The following ECE1 variants were observed in gnomAD, a reference collection of about 807,000 sequenced individuals.
The protein encoded by ECE1 is endothelin-converting enzyme 1.
A neutral mutation model predicts 98.6 loss-of-function variants in ECE1; 35 were observed. The ratio of observed to expected loss-of-function variants is 0.35; its 90% confidence interval spans 0.27 to 0.47. The LOEUF is 0.47. Ranked by LOEUF, ECE1 falls within the 20% of genes least tolerant of loss-of-function variation. ECE1 has a pLI of 1.00. For synonymous variants in ECE1, 394 were observed against 407.1 expected (o/e 0.97, Z 0.39); for missense variants, 814 against 1,025.3 (o/e 0.79, Z 2.81).
intron 1 of ECE1, chr1:21,298,858 G>A (rs1327385534): frequency 2.2e-6 from 1 of 456,262 alleles, no homozygotes; most frequent in Admixed American, 2.3e-5. Flanking sequence ...TCCCAGCTGG[G>A]TTTAAGGGGC....
Position 21,233,790 on chromosome 1 carries a change from G to A in ECE1, c.1567-129C>T, listed in dbSNP as rs2098184715. On this transcript the variant is annotated intron_variant, in intron 13 of 18. Transcript: ENST00000374893. This position sits in a 1 kb window ranked among gnomAD's most constrained non-coding sequence, Gnocchi z 4.0. ...CTGGAGACCGGAATGCAGGGCTTGG[G>A]GCTGCAGGGTCAGCTCTTCTCTTGG... 1.2e-6 allele frequency: 1 copy of A among 825,000 alleles called. No individual in the cohort carries two copies. The highest frequency in any genetic ancestry group is 1.7e-5 in the African/African-American group (1 of 58,978). The allele number at this position is 825,000 out of a possible 1,614,324, so 51.1% of individuals were successfully genotyped here. A position where few individuals can be genotyped will look rare whatever the true frequency, so the allele number is the denominator to read the frequency against.
chr1:21,228,086 G>T, intron 14 of ECE1, 45 bp from the exon 15 acceptor site: 1 of 1,489,522 alleles, frequency 6.7e-7, no homozygotes, highest in Non-Finnish European at 9.1e-7. Flanking sequence ...AGGGCGGGAG[G>T]CAGGTGGGGA....
Position 21,260,501 on chromosome 1 carries a change from C to T in ECE1, c.494-109G>A. 1 of 1,363,272 alleles carries T rather than the reference C, an allele frequency of 7.3e-7. No individual in the cohort carries two copies. Among genetic ancestry groups the T allele is most frequent in the Non-Finnish European group, 1.0e-6 (1 of 958,992 alleles). 84.4% of individuals were successfully genotyped at this position (1,363,272 alleles called of 1,614,324 possible). ...TGGTGTTCTCAGCTGCAAAGGAGCT[C>T]TGACATCTGCCTGTCGGAGTGGCAG... On this transcript the variant is annotated intron_variant, in intron 4 of 18. Transcript: ENST00000374893. This position sits in a 1 kb window ranked among gnomAD's most constrained non-coding sequence, Gnocchi z 4.3.
intron 14 of ECE1, among the ~76,000 whole-genome samples, chr1:21,229,741 C>T (rs759595566): frequency 6.6e-6 from 1 of 152,070 alleles, no homozygotes; most frequent in Non-Finnish European, 1.5e-5. Context: ...GAAGTATAAC[C>T]ATTTGGAAGA....
At chr1:21,228,993 C>G (rs1213130867) in intron 14 of ECE1, among the ~76,000 whole-genome samples, 1 of 151,532 alleles carries the variant, frequency 6.6e-6, no homozygotes, top group Admixed American at 6.6e-5. Context: ...AGGCGCCCAC[C>G]ACCTTGCCCG....
chr1:21,295,698 CTG>C, intron 1 of ECE1, among the ~76,000 whole-genome samples: 1 of 152,214 alleles, frequency 6.6e-6, no homozygotes, highest in Non-Finnish European at 1.5e-5. Context: ...ATTTTCCACT[CTG>C]TTTTCCGTGA....
At chr1:21,259,781 T>C (rs922358586) in intron 5 of ECE1, among the ~76,000 whole-genome samples, 2 of 152,136 alleles carry the variant, frequency 1.3e-5, no homozygotes, top group Non-Finnish European at 2.9e-5. Flanking sequence ...GAAAGATGTC[T>C]TCCCCTGCTC....
Position 21,225,319 on chromosome 1 carries a change from C to A in ECE1, c.1971G>T (p.Glu657Asp). 6.2e-7 allele frequency: 1 copy of A among 1,614,262 alleles called. No homozygotes were observed. Among genetic ancestry groups the A allele is most frequent in the Non-Finnish European group, 8.5e-7 (1 of 1,180,046 alleles). ...EQYSNYSVNG[E>D]PVNGRHTLGE... ...CCAGGGTGTGCCGCCCGTTCACCGG[C>A]TCCCCGTTCACGCTGTAGTTGCTGT... The change falls in exon 17 of 19, where the codon GAG becomes GAT. Residue 657 changes from glutamate to aspartate, a missense_variant. By Grantham distance (45) the Glu-to-Asp change is conservative (BLOSUM62 2). This residue lies in a region of ECE1 where 452 missense variants were observed against 567.3 expected (regional missense o/e 0.80). Coordinates refer to ENST00000374893, the MANE Select transcript of ECE1 (RefSeq NM_001397.3). The surrounding 1 kb of genome is among the most constrained non-coding windows in gnomAD (Gnocchi z 5.3).
At chr1:21,240,708 C>G (rs372999467) in intron 10 of ECE1, among the ~76,000 whole-genome samples, 1 of 152,230 alleles carries the variant, frequency 6.6e-6, no homozygotes, top group Non-Finnish European at 1.5e-5. Flanking sequence ...TACCCTCCCT[C>G]GGCTGAGAAG....
rs138734648 is a variant in ECE1 at position 21,309,072 on chromosome 1, G to A, written c.4-18916C>T. On this transcript the variant is annotated intron_variant, in intron 1 of 18. Coordinates refer to the ECE1 transcript ENST00000415912. ...TGGAACTGGGCCAGGACAGCACCTCGTGTCCTCTAAAAGGATCCACAGGGC... is the reference window on the plus strand; with the variant it reads ...TGGAACTGGGCCAGGACAGCACCTCATGTCCTCTAAAAGGATCCACAGGGC... Among the ~76,000 whole-genome samples the A allele has an allele frequency of 5.0e-3, 757 of 152,296 alleles. 5 individuals carry two copies. Among genetic ancestry groups the A allele is most frequent in the African/African-American group, 0.017 (711 of 41,548 alleles).
intron 14 of ECE1, among the ~76,000 whole-genome samples, chr1:21,232,950 A>C (rs2098183675): frequency 6.6e-6 from 1 of 152,054 alleles, no homozygotes; most frequent in South Asian, 2.1e-4. Context: ...AAGTGCTGGG[A>C]TTACAGGCGT....
Position 21,251,864 on chromosome 1 carries a change from CTT to C in ECE1, c.1020+4081_1020+4082del, listed in dbSNP as rs531481776. On this transcript the variant is annotated intron_variant, in intron 8 of 18. Coordinates refer to ENST00000374893, the MANE Select transcript of ECE1 (RefSeq NM_001397.3). Reference sequence around the variant, plus strand: ...CTGCTTGCCCAATAACCCTGAGTTTCTTTTCTCTTTACCTTGTCCTCTCTGCC... The same window carrying C: ...CTGCTTGCCCAATAACCCTGAGTTTCTTCTCTTTACCTTGTCCTCTCTGCC... 1.1e-4 allele frequency among the ~76,000 whole-genome samples: 17 copies of C among 152,314 alleles called. No individual in the cohort carries two copies. In the South Asian group the frequency reaches 3.5e-3, roughly 32 times the overall value.
Position 21,279,218 on chromosome 1 carries a change from C to T in ECE1, c.253G>A (p.Ala85Thr), listed in dbSNP as rs772632524. The change falls in exon 3 of 19, where the codon GCA becomes ACA. Residue 85 changes from alanine (A) to threonine (T), a missense_variant. Physicochemically the swap from Ala to Thr is moderately conservative, Grantham distance 58 (BLOSUM62 0). Transcript: ENST00000374893. ...GTCTGGTACTGGATGCCCAGTGCTGCCAAGCAGGCCACCAGTCCTGCCGCC... is the reference window on the plus strand; with the variant it reads ...GTCTGGTACTGGATGCCCAGTGCTGTCAAGCAGGCCACCAGTCCTGCCGCC... ...LLAAGLVACL[A>T]ALGIQYQTRS... 31 of 1,614,070 alleles carry T rather than the reference C, an allele frequency of 1.9e-5. No individual in the cohort carries two copies. The highest frequency in any genetic ancestry group is 8.5e-6 in the Non-Finnish European group (10 of 1,180,034).
In ECE1 at chr1:21,316,879, C is replaced by T. The variant is rs1031903240; in HGVS notation, c.4-26723G>A. Among the ~76,000 whole-genome samples, 25 of 152,256 alleles carry T rather than the reference C, an allele frequency of 1.6e-4. No homozygotes were observed. The South Asian group carries it at 4.6e-3, about 28-fold the overall frequency. ...TCAAAAACAGTGAGCAACATCATAC[C>T]TATGTATCATTTAGGGAGGCAGAAT... On this transcript the variant is annotated intron_variant, in intron 1 of 18. Transcript: ENST00000415912.
At chr1:21,317,006 G>T (rs1370929378) in intron 1 of ECE1, among the ~76,000 whole-genome samples, 1 of 152,112 alleles carries the variant, frequency 6.6e-6, no homozygotes, top group Non-Finnish European at 1.5e-5. Context: ...GACAGTCACT[G>T]AAGAGTCTCT....
intron 1 of ECE1, among the ~76,000 whole-genome samples, chr1:21,310,092 G>A (rs1003258895): frequency 2.0e-5 from 3 of 151,998 alleles, no homozygotes; most frequent in Non-Finnish European, 4.4e-5. Flanking sequence ...ACTGTGCCAG[G>A]CCCCAGCTGG....
At chr1:21,251,446 C>T (rs1001980813) in intron 8 of ECE1, among the ~76,000 whole-genome samples, 4 of 152,218 alleles carry the variant, frequency 2.6e-5, no homozygotes, top group South Asian at 2.1e-4. Context: ...GCCTGGGAGG[C>T]GGAGGCTGCA....
chr1:21,301,295 C>T (rs527766376), intron 1 of ECE1, among the ~76,000 whole-genome samples: 1 of 151,964 alleles, frequency 6.6e-6, no homozygotes, highest in African/African-American at 2.4e-5. Flanking sequence ...GAGATAGAGA[C>T]CATCCTGGCT....
At chr1:21,293,083 G>A (rs1216745870), upstream of ECE1, among the ~76,000 whole-genome samples, 1 of 152,214 alleles carries the variant, frequency 6.6e-6, no homozygotes, top group Non-Finnish European at 1.5e-5. Context: ...TCACCCGGCT[G>A]GTGTACGGGA....
Sources: allele counts gnomAD v4.1 joint callset (sites outside exome capture counted in the v4.1 genomes callset), GRCh38; gene constraint gnomAD v4.1.1; regional missense constraint gnomAD v4.1.1; non-coding constraint Gnocchi (gnomAD v3.1); transcripts MANE v1.5; gene names NCBI Gene and HGNC (gene_info 2026-07-23, HGNC 2026-07-21).